Variants in ARID1B observed in about 807,000 individuals in gnomAD.
The protein encoded by ARID1B is AT-rich interactive domain-containing protein 1B.
A neutral mutation model predicts 212.3 loss-of-function variants in ARID1B; 30 were observed. The ratio of observed to expected loss-of-function variants is 0.14; its 90% CI spans 0.11 to 0.19. The LOEUF (loss-of-function observed/expected upper bound fraction) is 0.19. ARID1B is among the 10% of genes least tolerant of loss of function. The pLI, the probability that ARID1B is intolerant of heterozygous loss-of-function variation, is 1.00. For missense variants in ARID1B, 2,891 were observed against 3,204.0 expected (o/e 0.90, Z 2.36); for synonymous variants, 1,402 against 1,301.7 (o/e 1.08, Z -1.66).
chr6:156,874,997 C>A (rs1026071493), intron 2 of ARID1B, among the ~76,000 whole-genome samples: 4 of 152,176 alleles, frequency 2.6e-5, no homozygotes, highest in Non-Finnish European at 5.9e-5. Context: ...AGTAACTGAT[C>A]AGGTAAATAT....
chr6:157,140,422 A>G (rs1389246638), intron 7 of ARID1B, among the ~76,000 whole-genome samples: 1 of 151,790 alleles, frequency 6.6e-6, no homozygotes, highest in Non-Finnish European at 1.5e-5. Context: ...GTGAGCCGAG[A>G]TCACACTACT....
At position 157,124,741 on chromosome 6, in the gene ARID1B, T is replaced by C. The variant is rs191468038; in HGVS notation, c.2582-8287T>C. ...TGTAAGTATGTAAACATATGCACAT[T>C]GGATCATGACATAAAATATGTCTCT... is the stretch of plus-strand genomic sequence containing the variant. On this transcript the variant is annotated intron_variant, in intron 6 of 19. Transcript: ENST00000636930. Among the ~76,000 whole-genome samples the C allele has an allele frequency of 9.2e-5, 14 of 152,132 alleles. No homozygotes were observed. The East Asian group carries it at 2.7e-3, about 29-fold the overall frequency.
chr6:157,173,807 A>G, intron 9 of ARID1B: 2 of 481,606 alleles, frequency 4.2e-6, no homozygotes. Context: ...CCTTTTTTTT[A>G]GATAAAAAAG....
intron 6 of ARID1B, among the ~76,000 whole-genome samples, chr6:157,126,920 G>A (rs144460913): frequency 2.0e-5 from 3 of 152,212 alleles, no homozygotes; most frequent in Non-Finnish European, 2.9e-5. Context: ...CTTGCTATTC[G>A]CAAACTCTGT....
rs940089806 is a variant in ARID1B, at chr6:156,856,229, G to A, written c.1986+26808G>A. ...GTGCCATGTGGAAAGATGTGTGTAT[G>A]TTTCAGCAAATACGTTCCACTATAC... On this transcript the variant is annotated intron_variant, in intron 2 of 19. Transcript: ENST00000636930. 2.6e-5 allele frequency among the ~76,000 whole-genome samples: 4 copies of A among 152,214 alleles called. No homozygotes were observed. In the East Asian group the frequency reaches 7.7e-4, roughly 29 times the overall value.
chr6:156,924,307 C>G (rs765816046), intron 3 of ARID1B, among the ~76,000 whole-genome samples: 3 of 152,176 alleles, frequency 2.0e-5, no homozygotes, highest in South Asian at 2.1e-4. Flanking sequence ...CATTCTTTCC[C>G]TAGATCTTAG....
chr6:156,956,088 C>T (rs2128313752), intron 4 of ARID1B, among the ~76,000 whole-genome samples: 1 of 152,292 alleles, frequency 6.6e-6, no homozygotes, highest in South Asian at 2.1e-4. Flanking sequence ...TTGGGGAAGA[C>T]ATGCACCAGT....
At chr6:156,999,340 T>C (rs915939484) in intron 4 of ARID1B, among the ~76,000 whole-genome samples, 3 of 152,234 alleles carry the variant, frequency 2.0e-5, no homozygotes, top group African/African-American at 7.2e-5. Flanking sequence ...ATTCTTGATT[T>C]CTGTGAATTA....
chr6:156,788,353 A>C (rs186663807), intron 1 of ARID1B, among the ~76,000 whole-genome samples: 92 of 152,172 alleles, frequency 6.0e-4, no homozygotes, highest in African/African-American at 2.1e-3. Flanking sequence ...CAGTTGTATA[A>C]ATTGGTTTTG....
At chr6:157,151,604 CTG>C (rs915528822) in intron 8 of ARID1B, 2 of 152,178 alleles carry the variant, frequency 1.3e-5, no homozygotes, top group African/African-American at 4.8e-5. Context: ...TACTACAAAA[CTG>C]TGTAATATCA....
intron 1 of ARID1B, among the ~76,000 whole-genome samples, chr6:156,809,713 GAAAAAA>G (rs370188789): frequency 9.6e-6 from 1 of 104,464 alleles, no homozygotes; most frequent in Non-Finnish European, 1.9e-5. Context: ...CTTTTTCAAA[GAAAAAA>G]AAAAAAAAAA....
chr6:156,879,171 A>G (rs770807383), intron 2 of ARID1B, among the ~76,000 whole-genome samples: 2 of 152,214 alleles, frequency 1.3e-5, no homozygotes, highest in African/African-American at 4.8e-5. Flanking sequence ...GCCTCTTCCA[A>G]AGGACTGAGA....
At chr6:156,958,674 A>C (rs191521904) in intron 4 of ARID1B, among the ~76,000 whole-genome samples, 354 of 152,236 alleles carry the variant, frequency 2.3e-3, no homozygotes, top group African/African-American at 8.2e-3. Context: ...CATTATTTTT[A>C]ATTATAGTCT....
rs1263111981 is a variant in ARID1B, at chr6:156,778,113, G to T, written c.433G>T (p.Gly145Trp). Residue 145 changes from glycine (G) to tryptophan (W), a missense_variant, in exon 1 of 20, where the codon GGG becomes TGG. Physicochemically the swap from Gly to Trp is radical, Grantham distance 184 (BLOSUM62 -2). Around this residue, in one of 7 missense-constraint regions of ARID1B, gnomAD observed 1,643 missense variants for 1,544.0 expected, o/e 1.06. Coordinates refer to ENST00000636930, the MANE Select transcript of ARID1B (RefSeq NM_001374828.1). ...GGGCCCGGGCTCGGCCATGGAGACG[G>T]GGCTGCTCCCCAACCACAAACTGAA... ...SSGPGSAMET[G>W]LLPNHKLKTV... is the part of the protein sequence containing the mutation. 3.2e-6 allele frequency: 5 copies of T among 1,541,034 alleles called. No individual in the cohort carries two copies. The highest frequency in any genetic ancestry group is 2.4e-5 in the South Asian group (2 of 83,964).
chr6:156,863,865 C>G (rs1785502114), intron 2 of ARID1B, among the ~76,000 whole-genome samples: 1 of 152,132 alleles, frequency 6.6e-6, no homozygotes, highest in African/African-American at 2.4e-5. Context: ...TCTTTGAGTC[C>G]TTGGCAAAAT....
intron 8 of ARID1B, among the ~76,000 whole-genome samples, chr6:157,162,553 C>G (rs1371018806): frequency 6.6e-6 from 1 of 152,214 alleles, no homozygotes. Flanking sequence ...CTCACAGGTC[C>G]TGCTTTCTCA....
At chr6:156,886,985 T>A (rs755466720) in intron 2 of ARID1B, among the ~76,000 whole-genome samples, 2 of 152,210 alleles carry the variant, frequency 1.3e-5, no homozygotes, top group Non-Finnish European at 2.9e-5. Flanking sequence ...TGACCCTACC[T>A]TTGTACATGG....
intron 4 of ARID1B, among the ~76,000 whole-genome samples, chr6:156,995,836 A>G (rs1408599121): frequency 2.6e-5 from 4 of 152,204 alleles, no homozygotes; most frequent in African/African-American, 9.6e-5. Context: ...TCAGATAAAC[A>G]AGGAATAATT....
chr6:156,784,598 G>C (rs1001871431), intron 1 of ARID1B, among the ~76,000 whole-genome samples: 2 of 152,182 alleles, frequency 1.3e-5, no homozygotes, highest in African/African-American at 4.8e-5. Flanking sequence ...TGAATGGAAT[G>C]ATAGACATAT....
Sources: allele counts gnomAD v4.1 joint callset (sites outside exome capture counted in the v4.1 genomes callset), GRCh38; gene constraint gnomAD v4.1.1; regional missense constraint gnomAD v4.1.1; transcripts MANE v1.5; gene names NCBI Gene and HGNC (gene_info 2026-07-23, HGNC 2026-07-21).